Variants in VAC14 observed in about 807,000 individuals in gnomAD.
The protein encoded by VAC14 is protein VAC14 homolog.
VAC14 carries 47 observed loss-of-function variants against 85.3 expected under a neutral mutation model. The observed-to-expected ratio is 0.55, with a 90% CI of 0.44 to 0.70. The LOEUF is 0.70. VAC14 is among the 30% of genes least tolerant of loss of function. The pLI, the probability that VAC14 is intolerant of heterozygous loss-of-function variation, is 0.00. For synonymous variants in VAC14, 447 were observed against 430.5 expected, an observed-to-expected ratio of 1.04 and a Z score of -0.47; for missense variants, 861 against 1,004.3, an observed-to-expected ratio of 0.86 and a Z score of 1.93.
intron 10 of VAC14, chr16:70,768,688 CCT>C (rs2032993497): frequency 2.6e-6 from 1 of 383,564 alleles, no homozygotes; most frequent in African/African-American, 2.1e-5. Flanking sequence ...GTTAATTCTC[CCT>C]GTGTTTCGGT....
At chr16:70,699,124 C>T in intron 14 of VAC14, 1 of 310,786 alleles carries the variant, frequency 3.2e-6, no homozygotes. Context: ...TTCCTGAGAT[C>T]CCGTCACCTT....
chr16:70,721,802 G>A (rs555911158), intron 14 of VAC14, among the ~76,000 whole-genome samples: 1 of 152,280 alleles, frequency 6.6e-6, no homozygotes, highest in Non-Finnish European at 1.5e-5. Flanking sequence ...AGGGTTAGGT[G>A]AATCCCATGG....
intron 14 of VAC14, among the ~76,000 whole-genome samples, chr16:70,724,370 G>A (rs757938917): frequency 1.3e-5 from 2 of 152,168 alleles, no homozygotes; most frequent in Non-Finnish European, 2.9e-5. Context: ...AACAACCTCC[G>A]ATGGTTCTGT....
chr16:70,762,629 G>A lies in VAC14; in HGVS notation c.1306-24C>T, dbSNP rs142664507. On this transcript the variant is annotated intron_variant, in intron 11 of 18. Coordinates refer to ENST00000261776, the MANE Select transcript of VAC14 (RefSeq NM_018052.5). This position sits in a 1 kb window ranked among gnomAD's most constrained non-coding sequence, Gnocchi z 4.1. The stretch of plus-strand genomic sequence containing the variant: ...ATCTGGAGGGCAGAGAAGCAGGGGT[G>A]CCCGTGAGTGCTCCCTTCGCCCCGG... 3.1e-6 allele frequency: 5 copies of A among 1,612,778 alleles called. No individual in the cohort carries two copies. The East Asian group carries it at 6.7e-5, about 22-fold the overall frequency.
intron 13 of VAC14, among the ~76,000 whole-genome samples, chr16:70,731,972 T>A (rs1412659656): frequency 2.0e-5 from 3 of 152,122 alleles, no homozygotes; most frequent in Admixed American, 6.5e-5. Context: ...ATGATTTTTT[T>A]AAAAAAACAA....
At chr16:70,749,369 G>C (rs1222393216) in intron 12 of VAC14, among the ~76,000 whole-genome samples, 1 of 152,252 alleles carries the variant, frequency 6.6e-6, no homozygotes, top group Non-Finnish European at 1.5e-5. Flanking sequence ...ATTTTAGAAA[G>C]TTTAACACCA....
chr16:70,789,845 C>T (rs1302900234), intron 1 of VAC14, among the ~76,000 whole-genome samples: 2 of 152,222 alleles, frequency 1.3e-5, no homozygotes, highest in South Asian at 2.1e-4. Context: ...GACATGTTTC[C>T]GCTTGGCACA....
intron 10 of VAC14, 85 bp downstream of exon 10, chr16:70,772,024 G>T: frequency 7.8e-7 from 1 of 1,275,632 alleles, no homozygotes; most frequent in South Asian, 1.2e-5. Flanking sequence ...AATTTGCCTT[G>T]GGTCATTGCT....
intron 12 of VAC14, among the ~76,000 whole-genome samples, chr16:70,760,134 G>A (rs2032207631): frequency 1.3e-5 from 2 of 152,150 alleles, no homozygotes; most frequent in Non-Finnish European, 2.9e-5. Context: ...CCTTCGCAGC[G>A]AGCACTGAGG....
intron 12 of VAC14, among the ~76,000 whole-genome samples, chr16:70,760,869 T>G (rs1296699580): frequency 6.6e-6 from 1 of 152,054 alleles, no homozygotes; most frequent in Non-Finnish European, 1.5e-5. Context: ...AAATGAGGGC[T>G]GTGACTGTGC....
At chr16:70,784,050 G>T in intron 5 of VAC14, 63 bp downstream of exon 5, 1 of 1,354,336 alleles carries the variant, frequency 7.4e-7, no homozygotes, top group Non-Finnish European at 1.1e-6. Context: ...CCTGACAAGA[G>T]TGTGCTAGAG....
chr16:70,787,440 G>A (rs1270928169), intron 1 of VAC14, among the ~76,000 whole-genome samples: 1 of 152,190 alleles, frequency 6.6e-6, no homozygotes, highest in East Asian at 1.9e-4. Flanking sequence ...CTGCCCTCAT[G>A]GGAGGGAGGG....
chr16:70,789,355 C>A (rs2034218173), intron 1 of VAC14, among the ~76,000 whole-genome samples: 1 of 152,248 alleles, frequency 6.6e-6, no homozygotes, highest in African/African-American at 2.4e-5. Flanking sequence ...TGCCTTCTCC[C>A]TCCTGCTCTG....
rs570450466 is a variant in VAC14 at position 70,777,897 on chromosome 16, A to G, written c.1096+2893T>C. Reference sequence around the variant, plus strand: ...GAGTGAGCAGGAGAGGCTGTGATGAACTTGTCCCTGACCAGCGAAGCTATC... The same window carrying G: ...GAGTGAGCAGGAGAGGCTGTGATGAGCTTGTCCCTGACCAGCGAAGCTATC... On this transcript the variant is annotated intron_variant, in intron 9 of 18. Coordinates refer to ENST00000261776, the MANE Select transcript of VAC14 (RefSeq NM_018052.5). 4.6e-5 allele frequency among the ~76,000 whole-genome samples: 7 copies of G among 152,280 alleles called. No homozygotes were observed. The South Asian group carries it at 1.0e-3, about 23-fold the overall frequency.
chr16:70,696,519 C>A lies in VAC14; in HGVS notation c.1955+620G>T, dbSNP rs563029422. On this transcript the variant is annotated intron_variant, in intron 16 of 18. Transcript: ENST00000261776. ...CAAAGCAAGACTCCACCTCAAAAAA[C>A]AAAACATCTAACTCTGGATGCCTTT... is the stretch of plus-strand genomic sequence containing the variant. Among the ~76,000 whole-genome samples the A allele has an allele frequency of 1.2e-3, 187 of 152,306 alleles. 1 individual carries two copies. The highest frequency in any genetic ancestry group is 4.3e-3 in the African/African-American group (178 of 41,584).
chr16:70,790,442 G>A (rs1213187185), intron 1 of VAC14, among the ~76,000 whole-genome samples: 1 of 152,240 alleles, frequency 6.6e-6, no homozygotes, highest in East Asian at 1.9e-4. Context: ...CAAAGGCACT[G>A]GCATTTAGCC....
intron 14 of VAC14, chr16:70,716,035 AC>A (rs1335500092): frequency 6.6e-6 from 1 of 152,210 alleles, no homozygotes; most frequent in Admixed American, 6.5e-5. Flanking sequence ...AGAGGGGAAA[AC>A]TAGGGCACTT....
At chr16:70,734,191 T>G (rs2054679847) in intron 13 of VAC14, among the ~76,000 whole-genome samples, 1 of 152,160 alleles carries the variant, frequency 6.6e-6, no homozygotes. Context: ...CAGGCTGTAG[T>G]GCACTGAAGT....
chr16:70,773,768 TA>T (rs2033369761), intron 9 of VAC14, among the ~76,000 whole-genome samples: 2 of 151,914 alleles, frequency 1.3e-5, no homozygotes, highest in African/African-American at 2.4e-5. Flanking sequence ...TTATTATTAT[TA>T]TTATTTTTTT....
Sources: allele counts gnomAD v4.1 joint callset (sites outside exome capture counted in the v4.1 genomes callset), GRCh38; gene constraint gnomAD v4.1.1; non-coding constraint Gnocchi (gnomAD v3.1); transcripts MANE v1.5; gene names NCBI Gene and HGNC (gene_info 2026-07-23, HGNC 2026-07-21).